Variants in OR51M1 observed in about 807,000 individuals in gnomAD.
OR51M1 encodes olfactory receptor family 51 subfamily M member 1, also known as olfactory receptor 51M1.
For missense variants in OR51M1, 509 were observed against 404.4 expected, an observed-to-expected ratio of 1.26 and a Z score of -2.22; for synonymous variants, 199 against 155.1, an observed-to-expected ratio of 1.28 and a Z score of -2.10.
chr11:5,389,109 G>A (rs7935524), intron 2 of OR51M1, among the ~76,000 whole-genome samples: 119,244 of 151,710 alleles, frequency 0.79, 47,238 homozygotes, highest in Middle Eastern at 0.84. Context: ...ATATGGCCAG[G>A]AAATTGCCAA....
intron 2 of OR51M1, among the ~76,000 whole-genome samples, chr11:5,387,401 GTGGT>G (rs1486766938): frequency 1.3e-5 from 2 of 152,152 alleles, no homozygotes; most frequent in Non-Finnish European, 2.9e-5. Context: ...ACATTATAGG[GTGGT>G]TGGTTGAGTA....
In OR51M1 at chr11:5,388,902, G is replaced by T. The variant is rs188150882; in HGVS notation, c.-15-482G>T. ...ATTGGTTGATTAGATACTATGGAGA[G>T]ATGTGATATGGAGAAGTCTAACATA... On this transcript the variant is annotated intron_variant, in intron 2 of 2. Transcript: ENST00000642046. Among the ~76,000 whole-genome samples, 230 of 152,196 alleles carry T rather than the reference G, an allele frequency of 1.5e-3. 1 individual carries two copies. Among genetic ancestry groups the T allele is most frequent in the Non-Finnish European group, 2.6e-3 (178 of 68,018 alleles).
At chr11:5,388,578 A>G (rs1328763986) in intron 2 of OR51M1, among the ~76,000 whole-genome samples, 2 of 149,124 alleles carry the variant, frequency 1.3e-5, no homozygotes, top group African/African-American at 5.0e-5. Flanking sequence ...AGAATTGTTT[A>G]GTGTCATTAA....
chr11:5,389,614 C>T lies in OR51M1; in HGVS notation c.216C>T (p.Tyr72=). 1 of 1,613,782 alleles carries T rather than the reference C, an allele frequency of 6.2e-7. No homozygotes were observed. Among genetic ancestry groups the T allele is most frequent in the East Asian group, 2.2e-5 (1 of 44,892 alleles). ...KTNPRLHTPM[Y]YLLSLLALTD... is the part of the protein sequence containing the mutation. ...ACCCTCGTCTGCACACACCCATGTA[C>T]TATCTACTATCCTTGCTGGCCCTCA... Residue 72 remains tyrosine, a synonymous_variant, in exon 3 of 3, where the codon TAC becomes TAT. Coordinates refer to ENST00000642046, the MANE Select transcript of OR51M1 (RefSeq NM_001004756.3).
chr11:5,389,296 G>A, intron 2 of OR51M1, 88 bp from the exon 3 acceptor site: 4 of 1,105,922 alleles, frequency 3.6e-6, no homozygotes, highest in African/African-American at 3.1e-5. Context: ...TAATACTAAA[G>A]GTGATGATGA....
rs1849761843 is a variant in OR51M1, at chr11:5,389,698, C to A, written c.300C>A (p.Asn100Lys). 2 of 1,613,636 alleles carry A rather than the reference C, an allele frequency of 1.2e-6. No homozygotes were observed. Among genetic ancestry groups the A allele is most frequent in the East Asian group, 4.5e-5 (2 of 44,892 alleles). ...LPTTMGIFWF[N>K]SHSIYFGACQ... ...CCACTATGGGGATCTTCTGGTTTAA[C>A]TCCCATAGTATCTACTTTGGAGCGT... The change falls in exon 3 of 3, where the codon AAC becomes AAA. Residue 100 changes from asparagine to lysine, a missense_variant. Physicochemically the swap from Asn to Lys is moderately conservative, Grantham distance 94. Coordinates refer to ENST00000642046, the MANE Select transcript of OR51M1 (RefSeq NM_001004756.3).
At position 5,391,087 on chromosome 11, in the gene OR51M1, G is replaced by C. The variant is rs1230884652; in HGVS notation, c.*708G>C. On this transcript the variant is annotated 3_prime_UTR_variant, in exon 3 of 3. Transcript: ENST00000642046. ...TCAGTATTTACTTGTAGGTGTTTTA[G>C]TTGTGTGATATTGAACAATGACATG... The C allele has an allele frequency of 6.6e-6, 1 of 152,198 alleles. No homozygotes were observed. Among genetic ancestry groups the C allele is most frequent in the African/African-American group, 2.4e-5 (1 of 41,434 alleles). The allele number at this position is 152,198 out of a possible 1,614,324, so 9.4% of individuals were successfully genotyped here.
chr11:5,389,858 G>C lies in OR51M1; in HGVS notation c.460G>C (p.Val154Leu), dbSNP rs535846608. The C allele has an allele frequency of 2.1e-4, 334 of 1,613,732 alleles. 6 individuals carry two copies. In the South Asian group the frequency reaches 2.2e-3, roughly 11 times the overall value. The change falls in exon 3 of 3, where the codon GTC becomes CTC. Residue 154 changes from valine (V) to leucine (L), a missense_variant. Val to Leu is a conservative substitution (Grantham distance 32). Transcript: ENST00000642046. Reference sequence around the variant, plus strand: ...GGTCATTATCACTGGCCAGCAAGTGGTCAGAGCAGGCCTAATTGTCATCTT... The same window carrying C: ...GGTCATTATCACTGGCCAGCAAGTGCTCAGAGCAGGCCTAATTGTCATCTT... ...YSVIITGQQV[V>L]RAGLIVIFRG...
chr11:5,389,159 C>T (rs1849750124), intron 2 of OR51M1, among the ~76,000 whole-genome samples: 1 of 152,078 alleles, frequency 6.6e-6, no homozygotes, highest in Admixed American at 6.6e-5. Context: ...GCAATAAAGG[C>T]ACACCAGCAA....
intron 1 of OR51M1, among the ~76,000 whole-genome samples, chr11:5,384,819 C>T (rs757223527): frequency 2.6e-5 from 4 of 152,196 alleles, no homozygotes; most frequent in Non-Finnish European, 5.9e-5. Flanking sequence ...AGGATATGGC[C>T]TTCGCCTTCC....
rs1352128945 is a variant in OR51M1 at position 5,390,499 on chromosome 11, T to C, written c.*120T>C. 2.5e-6 allele frequency: 2 copies of C among 805,338 alleles called. No individual in the cohort carries two copies. Among genetic ancestry groups the C allele is most frequent in the Non-Finnish European group, 3.7e-6 (2 of 536,120 alleles). 49.9% of individuals were successfully genotyped at this position (805,338 alleles called of 1,614,324 possible). A position where few individuals can be genotyped will look rare whatever the true frequency, so the allele number is the denominator to read the frequency against. On this transcript the variant is annotated 3_prime_UTR_variant, in exon 3 of 3. Coordinates refer to ENST00000642046, the MANE Select transcript of OR51M1 (RefSeq NM_001004756.3). ...TTTTTTGCCCCTGTCCTAAATAAAA[T>C]ATGGGCAAATTTATGTCTGGAGTTG...
Position 5,385,432 on chromosome 11 carries a change from C to A in OR51M1, c.-42C>A, listed in dbSNP as rs1007993160. 2 of 152,134 alleles carry A rather than the reference C, an allele frequency of 1.3e-5. No individual in the cohort carries two copies. The highest frequency in any genetic ancestry group is 4.8e-5 in the African/African-American group (2 of 41,418). The allele number at this position is 152,134 out of a possible 1,614,324, so 9.4% of individuals were successfully genotyped here. The stretch of plus-strand genomic sequence containing the variant: ...GTGAACACAGAGCTGACAACAGAAC[C>A]CCAGGCACAAAGAATCAGGATAAGA... On this transcript the variant is annotated 5_prime_UTR_variant, in exon 2 of 3. Transcript: ENST00000642046.
rs190987219 is a variant in OR51M1, at chr11:5,387,997, T to C, written c.-15-1387T>C. On this transcript the variant is annotated intron_variant, in intron 2 of 2. Transcript: ENST00000642046. ...TAATTGCAGTTCTTGCCATTGAAAG[T>C]AATGGTAAAAACCACAATTACTTTT... Among the ~76,000 whole-genome samples the C allele has an allele frequency of 1.8e-4, 27 of 152,304 alleles. No individual in the cohort carries two copies. In the East Asian group the frequency reaches 5.2e-3, roughly 29 times the overall value.
chr11:5,384,034 G>T (rs952773394), intron 1 of OR51M1, 117 bp downstream of exon 1: 1 of 152,176 alleles, frequency 6.6e-6, no homozygotes, highest in Admixed American at 6.5e-5. Context: ...CAAAAGCAGT[G>T]AGCCCAAAAA....
chr11:5,392,057 A>T lies in OR51M1; in HGVS notation c.*1678A>T, dbSNP rs6578629. On this transcript the variant is annotated 3_prime_UTR_variant, in exon 3 of 3. Coordinates refer to ENST00000642046, the MANE Select transcript of OR51M1 (RefSeq NM_001004756.3). ...GCCTGGGTGACCAAGTGAGACCCCG[A>T]TTCAAAAATAAAAAGGAAAACAAAC... is the stretch of plus-strand genomic sequence containing the variant. 0.96 allele frequency: 146,913 copies of T among 152,258 alleles called. 71,278 individuals carry two copies. The highest frequency in any genetic ancestry group is 0.99 in the African/African-American group (41,294 of 41,546). The allele number at this position is 152,258 out of a possible 1,614,324, so 9.4% of individuals were successfully genotyped here. A position where few individuals can be genotyped will look rare whatever the true frequency, so the allele number is the denominator to read the frequency against.
rs2133728544 is a variant in OR51M1 at position 5,389,853 on chromosome 11, A to G, written c.455A>G (p.Gln152Arg). ...TATTCGGTCATTATCACTGGCCAGC[A>G]AGTGGTCAGAGCAGGCCTAATTGTC... ...LRYSVIITGQ[Q>R]VVRAGLIVIF... The change falls in exon 3 of 3, where the codon CAA (glutamine) becomes CGA (arginine). Residue 152 changes from glutamine to arginine, a missense_variant. Coordinates refer to ENST00000642046, the MANE Select transcript of OR51M1 (RefSeq NM_001004756.3). 1 of 1,613,818 alleles carries G rather than the reference A, an allele frequency of 6.2e-7. No individual in the cohort carries two copies. Among genetic ancestry groups the G allele is most frequent in the Non-Finnish European group, 8.5e-7 (1 of 1,179,882 alleles).
chr11:5,390,248 A>G lies in OR51M1; in HGVS notation c.850A>G (p.Ile284Val). Residue 284 changes from isoleucine to valine, a missense_variant, in exon 3 of 3, where the codon ATT becomes GTT. Physicochemically the swap from Ile to Val is conservative, Grantham distance 29. Transcript: ENST00000642046. ...TTTTGGGAAGCATGCCCCACCTGCT[A>G]TTCATCTTCTTATGGCCAATGTCTA... ...HRFGKHAPPA[I>V]HLLMANVYLF... The G allele has an allele frequency of 5.6e-6, 9 of 1,611,426 alleles. No homozygotes were observed. Among genetic ancestry groups the G allele is most frequent in the East Asian group, 2.2e-5 (1 of 44,870 alleles).
intron 1 of OR51M1, 141 bp downstream of exon 1, chr11:5,384,058 T>G (rs1199216092): frequency 1.3e-5 from 2 of 152,204 alleles, no homozygotes; most frequent in African/African-American, 4.8e-5. Flanking sequence ...ATGGTCTCAG[T>G]TACAATTAAG....
In OR51M1 at chr11:5,390,310, CA is replaced by C. The variant is rs773961715; in HGVS notation, c.913del (p.Ser305AlafsTer15). 4.3e-6 allele frequency: 7 copies of C among 1,613,430 alleles called. No homozygotes were observed. In the African/African-American group the frequency reaches 8.0e-5, roughly 18 times the overall value. ...VPPMLNPIIYSIKTKEIHRAI... is the reference protein window; with the variant it reads ...VPPMLNPIIYXIKTKEIHRAI... ...CTCCCATGCTTAACCCAATCATATA[CA>C]GCATTAAGACCAAGGAGATCCACCG... is the stretch of plus-strand genomic sequence containing the variant. On this transcript the variant is annotated frameshift_variant, in exon 3 of 3. Coordinates refer to ENST00000642046, the MANE Select transcript of OR51M1 (RefSeq NM_001004756.3). LOFTEE classifies it low-confidence loss of function (END_TRUNC).
Sources: allele counts gnomAD v4.1 joint callset (sites outside exome capture counted in the v4.1 genomes callset), GRCh38; gene constraint gnomAD v4.1.1; transcripts MANE v1.5; gene names NCBI Gene and HGNC (gene_info 2026-07-23, HGNC 2026-07-21).